Variants in RNLS observed in about 807,000 individuals in gnomAD.
RNLS encodes the protein renalase.
RNLS carries 39 observed loss-of-function variants against 39.8 expected under a neutral mutation model. The observed-to-expected ratio is 0.98, with a 90% CI of 0.76 to 1.28. RNLS has a LOEUF of 1.28. Among genes scored for constraint, RNLS ranks in the 50% most tolerant of loss-of-function variants. The pLI, the probability that RNLS is intolerant of heterozygous loss-of-function variation, is 0.00. For synonymous variants in RNLS, 147 were observed against 150.7 expected (o/e 0.98, Z 0.18); for missense variants, 410 against 413.3 (o/e 0.99, Z 0.07).
chr10:88,475,363 T>G (rs1306320232), intron 4 of RNLS, among the ~76,000 whole-genome samples: 3 of 152,202 alleles, frequency 2.0e-5, no homozygotes, highest in Non-Finnish European at 4.4e-5. Flanking sequence ...CAATCTAGTT[T>G]GAAATGAAGC....
At chr10:88,194,250 C>T in the RNLS span, among the ~76,000 whole-genome samples, 14 of 152,206 alleles carry the variant, frequency 9.2e-5, no homozygotes, top group Non-Finnish European at 2.9e-5. Flanking sequence ...TTAGCAGCAA[C>T]GCTGTCTCCA....
chr10:88,547,360 C>A (rs1848371651), intron 4 of RNLS, among the ~76,000 whole-genome samples: 1 of 152,144 alleles, frequency 6.6e-6, no homozygotes, highest in South Asian at 2.1e-4. Context: ...TTGAACTTTG[C>A]AAATTTGAAA....
the RNLS span, among the ~76,000 whole-genome samples, chr10:88,195,307 C>A: frequency 1.3e-5 from 2 of 152,186 alleles, no homozygotes; most frequent in African/African-American, 4.8e-5. Context: ...ATAAGCAAAG[C>A]TCAAAACACT....
intron 4 of RNLS, among the ~76,000 whole-genome samples, chr10:88,517,863 C>T (rs71477191): frequency 0.021 from 3,145 of 151,972 alleles, 53 homozygotes; most frequent in Middle Eastern, 0.051. Flanking sequence ...TGAAAAGGAA[C>T]ACTGAATTTT....
At chr10:88,320,311 A>G (rs762955175) in intron 5 of RNLS, among the ~76,000 whole-genome samples, 9 of 152,002 alleles carry the variant, frequency 5.9e-5, no homozygotes, top group Non-Finnish European at 1.0e-4. Flanking sequence ...AAACATGAAA[A>G]CAAAAGAACA....
chr10:88,362,802 T>G, intron 4 of RNLS, 77 bp from the exon 5 acceptor site: 1 of 1,394,780 alleles, frequency 7.2e-7, no homozygotes. Context: ...TAAAATTCCT[T>G]TAAACCAGTT....
intron 4 of RNLS, among the ~76,000 whole-genome samples, chr10:88,508,986 T>C (rs1411782604): frequency 6.6e-6 from 1 of 152,014 alleles, no homozygotes; most frequent in Non-Finnish European, 1.5e-5. Context: ...TACTTTTTCT[T>C]TGGCAAGACA....
At chr10:88,329,670 T>A (rs1846937624) in intron 5 of RNLS, among the ~76,000 whole-genome samples, 1 of 152,174 alleles carries the variant, frequency 6.6e-6, no homozygotes, top group African/African-American at 2.4e-5. Flanking sequence ...TTCACATATT[T>A]TGATCTATTT....
intron 4 of RNLS, among the ~76,000 whole-genome samples, chr10:88,438,842 T>C (rs747020453): frequency 6.6e-5 from 10 of 152,242 alleles, no homozygotes; most frequent in African/African-American, 9.6e-5. Flanking sequence ...CTTCTTTTAA[T>C]TCTTCAGGCT....
chr10:88,387,274 G>T (rs748587251), intron 4 of RNLS, among the ~76,000 whole-genome samples: 1 of 152,046 alleles, frequency 6.6e-6, no homozygotes, highest in East Asian at 1.9e-4. Context: ...ATGAACTAGC[G>T]GAAAGCAAGC....
intron 4 of RNLS, among the ~76,000 whole-genome samples, chr10:88,423,470 C>T (rs1267300587): frequency 1.3e-5 from 2 of 152,202 alleles, no homozygotes; most frequent in Non-Finnish European, 2.9e-5. Flanking sequence ...ACTCAGTATT[C>T]ACCACATCTG....
At chr10:88,274,669 G>A (rs181444785) in exon 7 of RNLS, 16 of 316,030 alleles carry the variant, frequency 5.1e-5, no homozygotes, top group African/African-American at 6.3e-5. Context: ...ACAAATGTTC[G>A]TTCAAGTCCC....
At chr10:88,416,464 G>A (rs1224922242) in intron 4 of RNLS, among the ~76,000 whole-genome samples, 3 of 151,964 alleles carry the variant, frequency 2.0e-5, no homozygotes, top group Admixed American at 1.3e-4. Context: ...TGTTGGTCAG[G>A]CTAGTCTCAA....
At chr10:88,569,712 T>C (rs904344551) in intron 4 of RNLS, among the ~76,000 whole-genome samples, 17 of 152,120 alleles carry the variant, frequency 1.1e-4, no homozygotes. Flanking sequence ...AAACAAGCAA[T>C]GGGGAAAAGA....
chr10:88,378,232 T>C (rs1214926452), intron 4 of RNLS, among the ~76,000 whole-genome samples: 1 of 151,914 alleles, frequency 6.6e-6, no homozygotes, highest in Non-Finnish European at 1.5e-5. Flanking sequence ...GTCTAAGAAG[T>C]ACACTCTAAA....
chr10:88,524,960 C>CATATATATATAT (rs772272529), intron 4 of RNLS, among the ~76,000 whole-genome samples: 25 of 88,940 alleles, frequency 2.8e-4, no homozygotes, highest in Non-Finnish European at 4.3e-4. Flanking sequence ...CACACACATA[C>CATATATATATAT]ATATATATAT....
intron 4 of RNLS, among the ~76,000 whole-genome samples, chr10:88,518,572 G>A (rs1253308236): frequency 1.3e-5 from 2 of 151,936 alleles, no homozygotes; most frequent in Non-Finnish European, 2.9e-5. Flanking sequence ...ACTATGAACT[G>A]CAAAAGCTTA....
the RNLS span, among the ~76,000 whole-genome samples, chr10:88,203,295 T>C: frequency 0.1 from 291 of 2,864 alleles, 29 homozygotes; most frequent in African/African-American, 0.21. Context: ...TATATACGTA[T>C]GTATATATAT....
intron 4 of RNLS, among the ~76,000 whole-genome samples, chr10:88,408,420 A>G (rs781324955): frequency 2.6e-5 from 4 of 152,020 alleles, no homozygotes; most frequent in Non-Finnish European, 5.9e-5. Context: ...TTTTGAGAAG[A>G]GCCCTAATGA....
Sources: allele counts gnomAD v4.1 joint callset (sites outside exome capture counted in the v4.1 genomes callset), GRCh38; gene constraint gnomAD v4.1.1; transcripts MANE v1.5; gene names NCBI Gene and HGNC (gene_info 2026-07-23, HGNC 2026-07-21).